The following SEPTIN4 variants were observed in gnomAD, a reference collection of about 807,000 sequenced individuals.
SEPTIN4 encodes septin 4, also known as septin-4.
A neutral mutation model predicts 107.1 loss-of-function variants in SEPTIN4; 52 were observed. The ratio of observed to expected loss-of-function variants is 0.49; its 90% confidence interval spans 0.39 to 0.61. The LOEUF is 0.61. SEPTIN4 is among the 20% of genes least tolerant of loss of function. The probability of loss-of-function intolerance (pLI) is 0.00; values close to 1 mark genes in which losing one functional copy is unlikely to be tolerated. For synonymous variants in SEPTIN4, 417 were observed against 467.0 expected (o/e 0.89, Z 1.38); for missense variants, 1,048 against 1,243.5 (o/e 0.84, Z 2.36).
At chr17:58,537,628 G>T (rs1191664098) in intron 3 of SEPTIN4, among the ~76,000 whole-genome samples, 1 of 152,146 alleles carries the variant, frequency 6.6e-6, no homozygotes, top group Non-Finnish European at 1.5e-5. Context: ...TCAGGAGTTC[G>T]AGACCAGCCT....
At chr17:58,531,962 A>G (rs1339063926) in intron 3 of SEPTIN4, 16 of 1,146,662 alleles carry the variant, frequency 1.4e-5, no homozygotes, top group Non-Finnish European at 1.7e-5. Flanking sequence ...CTGCCTTACC[A>G]TGGCTGCAGC....
chr17:58,540,064 G>C (rs956608839), intron 3 of SEPTIN4, among the ~76,000 whole-genome samples: 3 of 152,184 alleles, frequency 2.0e-5, no homozygotes, highest in African/African-American at 7.2e-5. Context: ...GAGAAATATG[G>C]CAAGAGAAAA....
chr17:58,539,079 G>A (rs757765622), intron 3 of SEPTIN4: 53 of 1,417,760 alleles, frequency 3.7e-5, no homozygotes, highest in Non-Finnish European at 4.7e-5. Flanking sequence ...TCATGCATTA[G>A]AGAGCACCTG....
chr17:58,541,913 A>G lies in SEPTIN4; in HGVS notation c.1606+9T>C. 6.2e-7 allele frequency: 1 copy of G among 1,614,088 alleles called. No individual in the cohort carries two copies. Among genetic ancestry groups the G allele is most frequent in the East Asian group, 2.2e-5 (1 of 44,878 alleles). ...CCACAGTGGGCCCATAGGAGGGAAA[A>G]GCACAGACCTTTTAGCCACCAGATG... On this transcript the variant is annotated intron_variant, in intron 2 of 13. Transcript: ENST00000672673.
Position 58,541,949 on chromosome 17 carries a change from A to G in SEPTIN4, c.1579T>C (p.Tyr527His), listed in dbSNP as rs1457623645. The G allele has an allele frequency of 6.2e-7, 1 of 1,614,060 alleles. No homozygotes were observed. The highest frequency in any genetic ancestry group is 1.3e-5 in the African/African-American group (1 of 75,042). ...AFFLDVSEEM[Y>H]NRVIWWLKDE... is the part of the protein sequence containing the mutation. ...TTTAGCCACCAGATGACACGATTGT[A>G]CATTTCCTCAGAGACATCTGAAAGT... The change falls in exon 2 of 14, where the codon TAC becomes CAC. Residue 527 changes from tyrosine (Y) to histidine (H), a missense_variant. Around this residue, in one of 2 missense-constraint regions of SEPTIN4, gnomAD observed 787 missense variants for 871.8 expected, o/e 0.90. Coordinates refer to ENST00000672673, the MANE Select transcript of SEPTIN4 (RefSeq NM_001368771.2).
chr17:58,535,451 G>T (rs1598314035), intron 3 of SEPTIN4, among the ~76,000 whole-genome samples: 1 of 152,208 alleles, frequency 6.6e-6, no homozygotes, highest in African/African-American at 2.4e-5. Context: ...ATGTCTGAAG[G>T]CTCCCCTGCC....
chr17:58,542,058 T>C, intron 1 of SEPTIN4, 92 bp from the exon 2 acceptor site: 2 of 1,456,926 alleles, frequency 1.4e-6, no homozygotes, highest in Non-Finnish European at 1.9e-6. Context: ...TAGCTCCACA[T>C]TTCTCCACTC....
intron 2 of SEPTIN4, among the ~76,000 whole-genome samples, chr17:58,541,375 G>A (rs1398295012): frequency 6.6e-6 from 1 of 152,140 alleles, no homozygotes; most frequent in African/African-American, 2.4e-5. Context: ...ACAAGGCCTG[G>A]GGACACTTCT....
In SEPTIN4 at chr17:58,541,922, C is replaced by A; in HGVS notation, c.1606G>T (p.Asp536Tyr). The change falls in exon 2 of 14, where the codon GAT (aspartate) becomes TAT (tyrosine). Residue 536 changes from aspartate (D) to tyrosine (Y), a missense_variant and splice_region_variant. Asp to Tyr is a radical substitution (Grantham distance 160). This residue lies in a region of SEPTIN4 where 787 missense variants were observed against 871.8 expected (regional missense o/e 0.90). Transcript: ENST00000672673. ...MYNRVIWWLKDEEIKRFLEDT... is the reference protein window; with the variant it reads ...MYNRVIWWLKYEEIKRFLEDT... ...GCCCATAGGAGGGAAAAGCACAGACCTTTTAGCCACCAGATGACACGATTG... is the reference window on the plus strand; with the variant it reads ...GCCCATAGGAGGGAAAAGCACAGACATTTTAGCCACCAGATGACACGATTG... 6.2e-7 allele frequency: 1 copy of A among 1,614,092 alleles called. No individual in the cohort carries two copies. Among genetic ancestry groups the A allele is most frequent in the South Asian group, 1.1e-5 (1 of 91,066 alleles).
rs2043953069 is a variant in SEPTIN4, at chr17:58,543,829, G to A, written c.358C>T (p.Gln120Ter). Residue 120 changes from glutamine (Q) to a stop codon, truncating the protein, a stop_gained, in exon 1 of 14, where the codon CAA (glutamine) becomes TAA (stop). Coordinates refer to ENST00000672673, the MANE Select transcript of SEPTIN4 (RefSeq NM_001368771.2). LOFTEE classifies it high-confidence loss of function. Reference protein sequence around the residue: ...QTLASHASSRQWKVSPPREEA... With the variant: ...QTLASHASSR Reference sequence around the variant, plus strand: ...TCTCTGGGTGGACTAACTTTCCATTGTCTGCTTGAAGCATGGGAAGCCAGT... The same window carrying A: ...TCTCTGGGTGGACTAACTTTCCATTATCTGCTTGAAGCATGGGAAGCCAGT... 1.2e-6 allele frequency: 2 copies of A among 1,614,156 alleles called. No homozygotes were observed. The highest frequency in any genetic ancestry group is 1.7e-6 in the Non-Finnish European group (2 of 1,180,040).
At position 58,543,763 on chromosome 17, in the gene SEPTIN4, C is replaced by T. The variant is rs1413117981; in HGVS notation, c.424G>A (p.Glu142Lys). The change falls in exon 1 of 14, where the codon GAG (glutamate) becomes AAG (lysine). Residue 142 changes from glutamate (E) to lysine (K), a missense_variant. Physicochemically the swap from Glu to Lys is moderately conservative, Grantham distance 56. Transcript: ENST00000672673. Reference protein sequence around the residue: ...RRGSESKSGREVGHHASSIPD... With the variant: ...RRGSESKSGRKVGHHASSIPD... ...ATTGATGAAGCATGATGGCCGACCTCGCGCCCTGACTTGCTCTCACTGCCT... is the reference window on the plus strand; with the variant it reads ...ATTGATGAAGCATGATGGCCGACCTTGCGCCCTGACTTGCTCTCACTGCCT... The T allele has an allele frequency of 8.1e-6, 13 of 1,614,074 alleles. No individual in the cohort carries two copies. The highest frequency in any genetic ancestry group is 1.0e-5 in the Non-Finnish European group (12 of 1,180,042).
At position 58,521,756 on chromosome 17, in the gene SEPTIN4, CT is replaced by C; in HGVS notation, c.2448del (p.Val817TrpfsTer40). The part of the protein sequence containing the change: ...LAKADTLTPP[E>X]VDHKKRKIRE... ...CTCACTTTGCGTTTCTTGTGGTCCA[CT>C]TCGGGAGGTGTCAGTGTGTCTGCCT... On this transcript the variant is annotated frameshift_variant, in exon 9 of 14. Transcript: ENST00000672673. LOFTEE classifies it high-confidence loss of function. This position sits in a 1 kb window ranked among gnomAD's most constrained non-coding sequence, Gnocchi z 6.4. 1 of 1,614,264 alleles carries C rather than the reference CT, an allele frequency of 6.2e-7. No individual in the cohort carries two copies. Among genetic ancestry groups the C allele is most frequent in the South Asian group, 1.1e-5 (1 of 91,092 alleles).
intron 3 of SEPTIN4, among the ~76,000 whole-genome samples, chr17:58,537,691 G>A (rs544683003): frequency 3.3e-5 from 5 of 152,166 alleles, no homozygotes; most frequent in African/African-American, 9.6e-5. Context: ...CTAGCTGGGC[G>A]TGGTGGCGGG....
In SEPTIN4 at chr17:58,542,977, C is replaced by T; in HGVS notation, c.1210G>A (p.Ala404Thr). ...PELSQKPSIH[A>T]ELELTPRPLP... ...GGCCTAGGGGTCAGTTCCAGTTCTG[C>T]ATGGATGGAGGGCTTTTGCGAGAGT... is the stretch of plus-strand genomic sequence containing the variant. The change falls in exon 1 of 14, where the codon GCA becomes ACA. Residue 404 changes from alanine to threonine, a missense_variant. Ala to Thr is a moderately conservative substitution (Grantham distance 58, BLOSUM62 0). Coordinates refer to ENST00000672673, the MANE Select transcript of SEPTIN4 (RefSeq NM_001368771.2). 6.2e-7 allele frequency: 1 copy of T among 1,613,456 alleles called. No homozygotes were observed. The highest frequency in any genetic ancestry group is 8.5e-7 in the Non-Finnish European group (1 of 1,179,720).
At chr17:58,522,760 T>A (rs779518516) in intron 7 of SEPTIN4, among the ~76,000 whole-genome samples, 10 of 152,038 alleles carry the variant, frequency 6.6e-5, no homozygotes, top group Admixed American at 1.3e-4. Context: ...GTTTCCAGTG[T>A]AACCTCAGAG....
At chr17:58,526,510 G>A in intron 4 of SEPTIN4, 172 bp downstream of exon 4, 1 of 1,397,510 alleles carries the variant, frequency 7.2e-7, no homozygotes, top group Non-Finnish European at 9.3e-7. Context: ...GCCCTTGGGG[G>A]CAGATATCTT....
At chr17:58,540,615 T>A in intron 3 of SEPTIN4, 51 bp downstream of exon 3, 1 of 1,313,004 alleles carries the variant, frequency 7.6e-7, no homozygotes, top group Non-Finnish European at 9.7e-7. Context: ...GGATTTGGAT[T>A]GTGGGGTGGG....
intron 4 of SEPTIN4, 123 bp downstream of exon 4, chr17:58,526,559 T>TACACACACACACAAAC (rs1317237969): frequency 7.6e-7 from 1 of 1,312,330 alleles, no homozygotes; most frequent in East Asian, 2.9e-5. Context: ...AGGTCCCAGA[T>TACACACACACACAAAC]ACACACACAC....
At chr17:58,520,542 A>G (rs1257569979) in intron 13 of SEPTIN4, 57 bp from the exon 14 acceptor site, 3 of 1,599,286 alleles carry the variant, frequency 1.9e-6, no homozygotes, top group Non-Finnish European at 2.6e-6. Context: ...TAGTATTGGG[A>G]AAGTGCCCCA....
Sources: gnomAD v4.1 joint callset for allele counts (sites outside exome capture counted in the v4.1 genomes callset) on GRCh38, gnomAD v4.1.1 for gene constraint, gnomAD v4.1.1 regional missense constraint, Gnocchi (gnomAD v3.1) non-coding constraint, MANE v1.5 for transcripts, NCBI Gene and HGNC (gene_info 2026-07-23, HGNC 2026-07-21) for gene names.